TRPM3: variants seen among roughly 807,000 people sequenced by gnomAD.
TRPM3 encodes long transient receptor potential channel 3.
In TRPM3, 77 loss-of-function variants were observed where a neutral mutation model predicts 181.2. The ratio of observed to expected loss-of-function variants is 0.42; its 90% confidence interval spans 0.35 to 0.51. The LOEUF is 0.51. Among genes scored for constraint, TRPM3 ranks in the 20% least tolerant of loss-of-function variants. The pLI is 0.01. For synonymous variants in TRPM3, 745 were observed against 796.4 expected, an observed-to-expected ratio of 0.94 and a Z score of 1.09; for missense variants, 1,759 against 2,196.7, an observed-to-expected ratio of 0.80 and a Z score of 3.98.
chr9:70,681,061 T>C (rs1275576682), intron 9 of TRPM3, among the ~76,000 whole-genome samples: 1 of 152,076 alleles, frequency 6.6e-6, no homozygotes, highest in Non-Finnish European at 1.5e-5. Context: ...TTCTTCTCAA[T>C]GGTTTTTGAT....
At chr9:70,822,342 T>A (rs115138238) in intron 6 of TRPM3, among the ~76,000 whole-genome samples, 1,550 of 152,332 alleles carry the variant, frequency 0.01, 32 homozygotes, top group African/African-American at 0.036. Flanking sequence ...GACACAGTGG[T>A]GTCTCAAAGG....
intron 3 of TRPM3, among the ~76,000 whole-genome samples, chr9:70,860,225 C>T (rs529966546): frequency 5.1e-4 from 78 of 152,214 alleles, no homozygotes; most frequent in African/African-American, 1.7e-3. Context: ...GATAAGAAAA[C>T]TTGAGGCTCA....
chr9:71,419,045 T>C (rs564201416), intron 1 of TRPM3, among the ~76,000 whole-genome samples: 40 of 151,026 alleles, frequency 2.6e-4, no homozygotes, highest in Non-Finnish European at 3.1e-4. Context: ...AAGTCTACAG[T>C]AGGGAATGCA....
At chr9:70,654,985 C>T (rs1399689565) in intron 9 of TRPM3, among the ~76,000 whole-genome samples, 1 of 149,976 alleles carries the variant, frequency 6.7e-6, no homozygotes, top group African/African-American at 2.4e-5. Flanking sequence ...GTAGGTTTTA[C>T]GGCACTTCTA....
chr9:70,598,646 A>G lies in TRPM3; in HGVS notation c.2821T>C (p.Leu941=), dbSNP rs2059389692. The G allele has an allele frequency of 2.5e-6, 4 of 1,613,846 alleles. No homozygotes were observed. Among genetic ancestry groups the G allele is most frequent in the Admixed American group, 1.7e-5 (1 of 59,998 alleles). Residue 941 remains leucine, a synonymous_variant, in exon 21 of 26, where the codon TTG becomes CTG. Coordinates refer to ENST00000677713, the MANE Select transcript of TRPM3 (RefSeq NM_001366145.2). ...AGCCATACCTTCACTTTCTGTAGCA[A>G]CTTCCCTGGCTCTGACATCAGAATC... ...REILMSEPGK[L]LQKVKVWLQE...
chr9:71,040,082 T>C (rs921467666), intron 1 of TRPM3, among the ~76,000 whole-genome samples: 2 of 152,188 alleles, frequency 1.3e-5, no homozygotes. Flanking sequence ...AGAGTCCCTA[T>C]GCAGGGAAAA....
intron 1 of TRPM3, among the ~76,000 whole-genome samples, chr9:71,249,796 G>A (rs2082236528): frequency 6.6e-6 from 1 of 152,150 alleles, no homozygotes; most frequent in Non-Finnish European, 1.5e-5. Context: ...GGAAAGAACT[G>A]CAGAACAGAA....
chr9:71,441,223 T>C (rs1186405251), intron 1 of TRPM3, among the ~76,000 whole-genome samples: 1 of 150,982 alleles, frequency 6.6e-6, no homozygotes, highest in Non-Finnish European at 1.5e-5. Flanking sequence ...TATCAGAAAA[T>C]GGTCTTTTTT....
chr9:70,818,051 C>T (rs967450239), intron 6 of TRPM3, among the ~76,000 whole-genome samples: 4 of 152,090 alleles, frequency 2.6e-5, no homozygotes, highest in Non-Finnish European at 5.9e-5. Flanking sequence ...TCAGTGTTGG[C>T]GTCAGAGACA....
At chr9:71,418,826 T>G (rs71505942) in intron 1 of TRPM3, among the ~76,000 whole-genome samples, 2,941 of 143,038 alleles carry the variant, frequency 0.021, 51 homozygotes, top group Middle Eastern at 0.068. Flanking sequence ...TATATATATA[T>G]ATCCTTTGAG....
chr9:71,113,678 T>C (rs2071653627), intron 1 of TRPM3, among the ~76,000 whole-genome samples: 1 of 152,158 alleles, frequency 6.6e-6, no homozygotes, highest in Admixed American at 6.5e-5. Context: ...TAAAAGTCAT[T>C]CAATGCTCTG....
At chr9:71,043,110 G>A (rs2059021307) in intron 1 of TRPM3, among the ~76,000 whole-genome samples, 1 of 152,168 alleles carries the variant, frequency 6.6e-6, no homozygotes, top group African/African-American at 2.4e-5. Context: ...AACTGATCGT[G>A]AGCTTTTAAG....
At chr9:70,758,275 G>C (rs188496972) in intron 8 of TRPM3, among the ~76,000 whole-genome samples, 1 of 152,258 alleles carries the variant, frequency 6.6e-6, no homozygotes, top group East Asian at 1.9e-4. Flanking sequence ...ACTTACAAGG[G>C]ATGTGAAGGA....
chr9:71,063,979 AG>A (rs1170409153), intron 1 of TRPM3, among the ~76,000 whole-genome samples: 1 of 152,100 alleles, frequency 6.6e-6, no homozygotes, highest in African/African-American at 2.4e-5. Flanking sequence ...AAACATAGGA[AG>A]GGGAAAAACA....
chr9:70,577,413 A>C (rs1403010414), intron 22 of TRPM3, among the ~76,000 whole-genome samples: 1 of 152,226 alleles, frequency 6.6e-6, no homozygotes, highest in East Asian at 1.9e-4. Context: ...GCCTTCAACA[A>C]GTTCTTTAAC....
intron 1 of TRPM3, among the ~76,000 whole-genome samples, chr9:71,407,744 T>C (rs933583750): frequency 1.3e-5 from 2 of 152,170 alleles, no homozygotes; most frequent in South Asian, 4.1e-4. Context: ...AGCATGGTGG[T>C]TGAGCTCTGA....
chr9:70,764,084 G>A (rs886230546), intron 7 of TRPM3, among the ~76,000 whole-genome samples: 1 of 152,152 alleles, frequency 6.6e-6, no homozygotes, highest in Non-Finnish European at 1.5e-5. Context: ...CAAGATCAAT[G>A]GGGACTTCGA....
At chr9:70,648,837 A>G (rs2059250845) in intron 9 of TRPM3, among the ~76,000 whole-genome samples, 1 of 152,188 alleles carries the variant, frequency 6.6e-6, no homozygotes, top group African/African-American at 2.4e-5. Context: ...ATATACAAAA[A>G]TCAACTCAAG....
chr9:70,930,419 C>T (rs1403571912), intron 1 of TRPM3, among the ~76,000 whole-genome samples: 6 of 152,008 alleles, frequency 3.9e-5, no homozygotes, highest in African/African-American at 1.2e-4. Flanking sequence ...AAGTTTTATA[C>T]TTCCTTTCAT....
Sources: allele counts gnomAD v4.1 joint callset (sites outside exome capture counted in the v4.1 genomes callset), GRCh38; gene constraint gnomAD v4.1.1; transcripts MANE v1.5; gene names NCBI Gene and HGNC (gene_info 2026-07-23, HGNC 2026-07-21).